The following EFHC2 variants were observed in gnomAD, a reference collection of about 807,000 sequenced individuals.
The protein encoded by EFHC2 is EF-hand domain-containing family member C2.
EFHC2 carries 18 observed loss-of-function variants against 52.7 expected under a neutral mutation model. The ratio of observed to expected loss-of-function variants is 0.34; its 90% CI spans 0.24 to 0.51. The LOEUF is 0.51. Ranked by LOEUF, EFHC2 falls within the 20% of genes least tolerant of loss-of-function variation. EFHC2 has a pLI of 0.97. For synonymous variants in EFHC2, 203 were observed against 204.1 expected, an observed-to-expected ratio of 0.99 and a Z score of 0.04; for missense variants, 513 against 562.5, an observed-to-expected ratio of 0.91 and a Z score of 0.89.
In EFHC2 at chrX:44,229,790, G is replaced by A; in HGVS notation, c.1621-11C>T. 8.4e-7 allele frequency: 1 copy of A among 1,197,458 alleles called. No individual in the cohort carries two copies. The highest frequency in any genetic ancestry group is 1.1e-6 in the Non-Finnish European group (1 of 888,546). On this transcript the variant is annotated splice_polypyrimidine_tract_variant and intron_variant, in intron 10 of 14. Coordinates refer to ENST00000420999, the MANE Select transcript of EFHC2 (RefSeq NM_025184.4). ...GTTACTGAAAGGATACTGTAAGGGG[G>A]AAATGAAAGGAAAAACATATTTAAA...
rs563855628 is a variant in EFHC2 at position 44,184,695 on chromosome X, C to G, written c.1752-6131G>C. On this transcript the variant is annotated intron_variant, in intron 11 of 14. Coordinates refer to ENST00000420999, the MANE Select transcript of EFHC2 (RefSeq NM_025184.4). ...CTGAGATTGCGCCATTGCACTCCAG[C>G]CTGGGCAATAAGAGCAAAATTCCAT... is the stretch of plus-strand genomic sequence containing the variant. Among the ~76,000 whole-genome samples, 12 of 101,781 alleles carry G rather than the reference C, an allele frequency of 1.2e-4. No individual in the cohort carries two copies. The South Asian group carries it at 4.2e-3, about 36-fold the overall frequency. The allele number at this position is 101,781 out of a possible 115,157, so 88.4% of individuals were successfully genotyped here.
intron 11 of EFHC2, 37 bp from the exon 12 acceptor site, chrX:44,178,601 T>A: frequency 1.9e-6 from 2 of 1,051,715 alleles, no homozygotes; most frequent in South Asian, 4.5e-5. Flanking sequence ...TAAACTGATA[T>A]CTAAGAATAC....
intron 1 of EFHC2, among the ~76,000 whole-genome samples, chrX:44,317,123 G>GC (rs1334481837): frequency 8.9e-6 from 1 of 112,051 alleles, no homozygotes; most frequent in Non-Finnish European, 1.9e-5. Context: ...AGCAAAGGCA[G>GC]CCCCCCTGAG....
intron 2 of EFHC2, among the ~76,000 whole-genome samples, chrX:44,288,986 A>T (rs1437414901): frequency 3.6e-5 from 4 of 111,989 alleles, no homozygotes; most frequent in Admixed American, 9.5e-5. Context: ...AGCAGGAAAA[A>T]GTATATGGCA....
intron 4 of EFHC2, among the ~76,000 whole-genome samples, chrX:44,251,384 T>C (rs1397333061): frequency 7.8e-5 from 8 of 102,936 alleles, no homozygotes; most frequent in African/African-American, 2.8e-4. Context: ...GAGGCCACAG[T>C]GGGTCGATCA....
chrX:44,199,261 C>A (rs2036989220), intron 11 of EFHC2, among the ~76,000 whole-genome samples: 1 of 113,045 alleles, frequency 8.8e-6, no homozygotes, highest in Admixed American at 9.3e-5. Context: ...CTTGCTCCCT[C>A]TTACCATGTA....
At chrX:44,151,061 G>A (rs902278642) in intron 14 of EFHC2, among the ~76,000 whole-genome samples, 16 of 110,298 alleles carry the variant, frequency 1.5e-4, no homozygotes, top group African/African-American at 5.0e-4. Context: ...ACCAAGGAAC[G>A]CCAAAGATTG....
At chrX:44,220,101 C>T (rs1285222448) in intron 11 of EFHC2, among the ~76,000 whole-genome samples, 3 of 111,886 alleles carry the variant, frequency 2.7e-5, no homozygotes, top group Non-Finnish European at 5.6e-5. Flanking sequence ...CTAATAGCTT[C>T]GTGTGTAGCC....
chrX:44,216,526 A>G (rs958757242), intron 11 of EFHC2, among the ~76,000 whole-genome samples: 1 of 111,540 alleles, frequency 9.0e-6, no homozygotes, highest in African/African-American at 3.3e-5. Flanking sequence ...GAAGCCACGC[A>G]GCATTACTTC....
At chrX:44,219,066 C>T (rs1003839239) in intron 11 of EFHC2, among the ~76,000 whole-genome samples, 1 of 99,100 alleles carries the variant, frequency 1.0e-5, no homozygotes, top group African/African-American at 3.9e-5. Context: ...TCATACTGAA[C>T]GAAAGAAGTC....
chrX:44,214,252 C>T (rs946268986), intron 11 of EFHC2, among the ~76,000 whole-genome samples: 7 of 111,809 alleles, frequency 6.3e-5, no homozygotes, highest in East Asian at 2.8e-4. Context: ...ACAACAGACA[C>T]GATAAATGCC....
intron 11 of EFHC2, among the ~76,000 whole-genome samples, chrX:44,211,292 C>T (rs750434457): frequency 5.4e-4 from 61 of 112,096 alleles, no homozygotes; most frequent in Non-Finnish European, 1.1e-3. Context: ...CTTTGGGAGG[C>T]TGAGGTGGGT....
At chrX:44,180,382 T>C (rs961325255) in intron 11 of EFHC2, among the ~76,000 whole-genome samples, 3 of 112,337 alleles carry the variant, frequency 2.7e-5, no homozygotes, top group Non-Finnish European at 5.6e-5. Context: ...CTGGCTCCTC[T>C]ACAACGCTGA....
intron 11 of EFHC2, among the ~76,000 whole-genome samples, chrX:44,184,031 G>C (rs901983072): frequency 8.9e-6 from 1 of 112,164 alleles, no homozygotes; most frequent in African/African-American, 3.2e-5. Context: ...TTGTGAAATA[G>C]AATTTTATTT....
chrX:44,195,249 C>T (rs779221813), intron 11 of EFHC2, among the ~76,000 whole-genome samples: 3 of 111,533 alleles, frequency 2.7e-5, no homozygotes, highest in Non-Finnish European at 5.6e-5. Context: ...CCCACTCTGA[C>T]TGCACTTCTG....
At chrX:44,320,528 C>T (rs2038011679) in intron 1 of EFHC2, among the ~76,000 whole-genome samples, 1 of 111,539 alleles carries the variant, frequency 9.0e-6, no homozygotes, top group Admixed American at 9.5e-5. Context: ...TTTATGATTT[C>T]CATATTCACG....
chrX:44,282,358 C>T (rs761617855), intron 2 of EFHC2, among the ~76,000 whole-genome samples: 3 of 103,714 alleles, frequency 2.9e-5, no homozygotes, highest in African/African-American at 1.1e-4. Context: ...AATCCCAGCA[C>T]TTTGGGAGGC....
At chrX:44,214,022 C>T (rs2037123435) in intron 11 of EFHC2, among the ~76,000 whole-genome samples, 1 of 111,041 alleles carries the variant, frequency 9.0e-6, no homozygotes, top group African/African-American at 3.3e-5. Flanking sequence ...AAGAAACTTC[C>T]AAAACCAAAA....
chrX:44,247,144 C>T (rs967289384), intron 7 of EFHC2, among the ~76,000 whole-genome samples: 3 of 112,104 alleles, frequency 2.7e-5, no homozygotes, highest in African/African-American at 9.7e-5. Flanking sequence ...AATTTGGCCC[C>T]AGTAGGGCCC....
Sources: allele counts gnomAD v4.1 joint callset (sites outside exome capture counted in the v4.1 genomes callset), GRCh38; gene constraint gnomAD v4.1.1; transcripts MANE v1.5; gene names NCBI Gene and HGNC (gene_info 2026-07-23, HGNC 2026-07-21).